PGM3: variants seen among roughly 807,000 people sequenced by gnomAD.
PGM3 encodes the protein phosphoacetylglucosamine mutase.
A neutral mutation model predicts 66.2 loss-of-function variants in PGM3; 40 were observed. The observed-to-expected ratio is 0.60, with a 90% CI of 0.47 to 0.79. The LOEUF is 0.79. Ranked by LOEUF, PGM3 falls within the 30% of genes least tolerant of loss-of-function variation. The pLI is 0.00. For synonymous variants in PGM3, 191 were observed against 224.2 expected (o/e 0.85, Z 1.32); for missense variants, 537 against 643.4 (o/e 0.83, Z 1.79).
At position 83,165,258 on chromosome 6, in the gene PGM3, G is replaced by T. The variant is rs1394719069; in HGVS notation, c.*3976C>A. On this transcript the variant is annotated 3_prime_UTR_variant, in exon 13 of 13. Transcript: ENST00000513973. Reference sequence around the variant, plus strand: ...GTGTCATAGTTAAGAAAGAAAGAAAGAAAGTTTTATATATCCTGTAATCTA... The same window carrying T: ...GTGTCATAGTTAAGAAAGAAAGAAATAAAGTTTTATATATCCTGTAATCTA... 6.6e-6 allele frequency: 1 copy of T among 152,534 alleles called. No homozygotes were observed. The highest frequency in any genetic ancestry group is 1.5e-5 in the Non-Finnish European group (1 of 68,338). The allele number at this position is 152,534 out of a possible 1,614,324, so 9.4% of individuals were successfully genotyped here.
At position 83,169,624 on chromosome 6, in the gene PGM3, C is replaced by T. The variant is rs945869933; in HGVS notation, c.1540-301G>A. 1.6e-4 allele frequency: 76 copies of T among 461,858 alleles called. 1 individual carries two copies. The highest frequency in any genetic ancestry group is 1.5e-3 in the African/African-American group (73 of 50,214). The allele number at this position is 461,858 out of a possible 1,614,324, so 28.6% of individuals were successfully genotyped here. A position where few individuals can be genotyped will look rare whatever the true frequency, so the allele number is the denominator to read the frequency against. ...AAACTTTAATCCACAATTGGCCTAA[C>T]AGTAAGTAAGTACTAATGCCTCTGT... On this transcript the variant is annotated intron_variant, in intron 12 of 12. Coordinates refer to ENST00000513973, the MANE Select transcript of PGM3 (RefSeq NM_015599.3).
chr6:83,153,740 T>C, the PGM3 span: 3 of 1,169,950 alleles, frequency 2.6e-6, no homozygotes, highest in Non-Finnish European at 3.5e-6. Context: ...TGAATTATAA[T>C]TGTTTAAAAA....
chr6:83,181,799 T>A lies in PGM3; in HGVS notation c.724A>T (p.Lys242Ter). The A allele has an allele frequency of 6.2e-7, 1 of 1,614,096 alleles. No individual in the cohort carries two copies. Among genetic ancestry groups the A allele is most frequent in the South Asian group, 1.1e-5 (1 of 91,070 alleles). Reference protein sequence around the residue: ...LSVQLFNDGSKGKLNHLCGAD... With the variant: ...LSVQLFNDGS ...CCACATAAATGATTGAGTTTGCCCT[T>A]GGACCCATCATTAAACAGCTGAACT... The change falls in exon 6 of 13, where the codon AAG (lysine) becomes TAG (stop). Residue 242 changes from lysine (K) to a stop codon, truncating the protein, a stop_gained. Coordinates refer to ENST00000513973, the MANE Select transcript of PGM3 (RefSeq NM_015599.3). LOFTEE classifies it high-confidence loss of function.
chr6:83,169,191 G>C lies in PGM3; in HGVS notation c.*43C>G, dbSNP rs141153201. 185 of 1,610,220 alleles carry C rather than the reference G, an allele frequency of 1.1e-4. 1 individual carries two copies. The East Asian group carries it at 3.6e-3, about 31-fold the overall frequency. On this transcript the variant is annotated 3_prime_UTR_variant, in exon 13 of 13. Transcript: ENST00000513973. Reference sequence around the variant, plus strand: ...CCATTATTATTGACAGTTTTGTAAAGACTTGTAAAAAGTCCAGTTTCTCAG... The same window carrying C: ...CCATTATTATTGACAGTTTTGTAAACACTTGTAAAAAGTCCAGTTTCTCAG...
At chr6:83,173,711 A>G (rs891849704) in intron 10 of PGM3, among the ~76,000 whole-genome samples, 47 of 152,176 alleles carry the variant, frequency 3.1e-4, no homozygotes, top group African/African-American at 1.1e-3. Flanking sequence ...ACCCACATGT[A>G]TGTCCTTTGT....
rs1267072465 is a variant in PGM3, at chr6:83,168,204, G to A, written c.*1030C>T. 12 of 1,575,676 alleles carry A rather than the reference G, an allele frequency of 7.6e-6. No individual in the cohort carries two copies. Among genetic ancestry groups the A allele is most frequent in the Non-Finnish European group, 9.4e-6 (11 of 1,164,836 alleles). On this transcript the variant is annotated 3_prime_UTR_variant, in exon 13 of 13. Transcript: ENST00000513973. ...GGTTCCATTTAGCTTACATGTAAAT[G>A]TAATTATTTAAAACACACACACTGC...
downstream of PGM3, chr6:83,164,623 G>C (rs1010236506): frequency 1.3e-6 from 2 of 1,549,284 alleles, no homozygotes; most frequent in African/African-American, 2.7e-5. Flanking sequence ...CTTTTCACTG[G>C]AACAAAGGCT....
chr6:83,169,417 G>A (rs957073659), intron 12 of PGM3, 94 bp from the exon 13 acceptor site: 88 of 1,416,258 alleles, frequency 6.2e-5, no homozygotes, highest in Non-Finnish European at 8.3e-5. Context: ...GGGAAGAGAG[G>A]GGTGATTCTT....
chr6:83,180,885 G>A (rs1037522474), intron 6 of PGM3, among the ~76,000 whole-genome samples: 4 of 152,190 alleles, frequency 2.6e-5, no homozygotes, highest in African/African-American at 7.2e-5. Context: ...GTTCCAGAAT[G>A]CATGTCCTAT....
rs1343192683 is a variant in PGM3 at position 83,170,394 on chromosome 6, G to C, written c.1450C>G (p.Leu484Val). ...PPGLQEAINDLVKKYKLSRAF... is the reference protein window; with the variant it reads ...PPGLQEAINDVVKKYKLSRAF... ...CGAGAAAGCTTGTACTTCTTCACCA[G>C]GTCATTGATTGCCTCCTGTAATCCT... The change falls in exon 12 of 13, where the codon CTG (leucine) becomes GTG (valine). Residue 484 changes from leucine to valine, a missense_variant. Leu to Val is a conservative substitution (Grantham distance 32). Transcript: ENST00000513973. 1 of 1,614,068 alleles carries C rather than the reference G, an allele frequency of 6.2e-7. No homozygotes were observed. Among genetic ancestry groups the C allele is most frequent in the Non-Finnish European group, 8.5e-7 (1 of 1,179,946 alleles).
rs1404678044 is a variant in PGM3, at chr6:83,166,999, T to C, written c.*2235A>G. On this transcript the variant is annotated 3_prime_UTR_variant, in exon 13 of 13. Coordinates refer to ENST00000513973, the MANE Select transcript of PGM3 (RefSeq NM_015599.3). Reference sequence around the variant, plus strand: ...CAAGTTCAACCAACCTGTTCTCTCTTATCTTTCTCTAGACAGAATGATGTC... The same window carrying C: ...CAAGTTCAACCAACCTGTTCTCTCTCATCTTTCTCTAGACAGAATGATGTC... 7 of 985,754 alleles carry C rather than the reference T, an allele frequency of 7.1e-6. No individual in the cohort carries two copies. Among genetic ancestry groups the C allele is most frequent in the Non-Finnish European group, 8.4e-6 (7 of 830,252 alleles). 61.1% of individuals were successfully genotyped at this position (985,754 alleles called of 1,614,324 possible). A position where few individuals can be genotyped will look rare whatever the true frequency, so the allele number is the denominator to read the frequency against.
chr6:83,170,192 C>A, intron 12 of PGM3, 113 bp downstream of exon 12: 1 of 939,950 alleles, frequency 1.1e-6, no homozygotes. Context: ...ACCTAAAAGG[C>A]TCAACAAAAT....
chr6:83,190,726 T>C (rs184015820), intron 2 of PGM3, 83 bp downstream of exon 2: 2 of 1,079,282 alleles, frequency 1.9e-6, no homozygotes, highest in Non-Finnish European at 1.4e-6. Context: ...AATTAGAATT[T>C]GTACTTTAGG....
chr6:83,187,122 C>T (rs375269845), intron 3 of PGM3, 47 bp from the exon 4 acceptor site: 4 of 1,253,664 alleles, frequency 3.2e-6, no homozygotes, highest in African/African-American at 3.0e-5. Flanking sequence ...CTGAAACTGG[C>T]AGGGTTGCTG....
intron 8 of PGM3, 96 bp downstream of exon 8, chr6:83,178,577 G>A (rs1787945237): frequency 1.3e-6 from 1 of 755,768 alleles, no homozygotes; most frequent in South Asian, 1.4e-5. Context: ...TCAGCTTCAT[G>A]CACTACAACA....
chr6:83,170,449 G>T lies in PGM3; in HGVS notation c.1395C>A (p.Thr465=). 6.2e-7 allele frequency: 1 copy of T among 1,613,898 alleles called. No homozygotes were observed. Among genetic ancestry groups the T allele is most frequent in the Non-Finnish European group, 8.5e-7 (1 of 1,179,816 alleles). The part of the protein sequence containing the change: ...QVADRRVIST[T]DAERQAVTPP... ...GTGTAACTGCTTGTCTTTCAGCATC[G>T]GTAGTGCTAATAACTCTCCTGTCTG... The change falls in exon 12 of 13, where the codon ACC becomes ACA. Residue 465 remains threonine (T), a synonymous_variant. Transcript: ENST00000513973.
At chr6:83,182,575 T>C (rs924066377) in intron 5 of PGM3, among the ~76,000 whole-genome samples, 4 of 152,186 alleles carry the variant, frequency 2.6e-5, no homozygotes, top group African/African-American at 9.7e-5. Context: ...TCTGAATGAA[T>C]ACTTATGATA....
downstream of PGM3, among the ~76,000 whole-genome samples, chr6:83,162,243 G>A (rs549175276): frequency 2.0e-5 from 3 of 151,772 alleles, no homozygotes; most frequent in Admixed American, 6.6e-5. Flanking sequence ...TCCCATGGTC[G>A]GATATTACTT....
At chr6:83,178,502 T>C (rs1787938338) in intron 8 of PGM3, among the ~76,000 whole-genome samples, 171 bp downstream of exon 8, 1 of 152,232 alleles carries the variant, frequency 6.6e-6, no homozygotes, top group Admixed American at 6.5e-5. Context: ...AAGTTTTCCT[T>C]TATTCATCAA....
Sources: allele counts gnomAD v4.1 joint callset (sites outside exome capture counted in the v4.1 genomes callset), GRCh38; gene constraint gnomAD v4.1.1; transcripts MANE v1.5; gene names NCBI Gene and HGNC (gene_info 2026-07-23, HGNC 2026-07-21).